Variants in ALS2CL observed in about 807,000 individuals in gnomAD.
ALS2CL encodes the protein ALS2 C-terminal-like protein.
A neutral mutation model predicts 127.9 loss-of-function variants in ALS2CL; 112 were observed. The observed-to-expected ratio is 0.88, with a 90% CI of 0.75 to 1.02. The LOEUF (loss-of-function observed/expected upper bound fraction) is 1.02, where lower values mean the gene tolerates loss of function less well. Ranked by LOEUF, ALS2CL falls within the 50% of genes least tolerant of loss-of-function variation. The pLI is 0.00. For missense variants in ALS2CL, 1,174 were observed against 1,236.7 expected (o/e 0.95, Z 0.76); for synonymous variants, 519 against 527.6 (o/e 0.98, Z 0.22).
chr3:46,680,682 G>T, intron 13 of ALS2CL, 141 bp from the exon 14 acceptor site: 1 of 693,648 alleles, frequency 1.4e-6, no homozygotes, highest in Non-Finnish European at 2.5e-6. Context: ...CACAGTGCCA[G>T]AGAGGTCAGG....
At chr3:46,687,757 C>T (rs1699897764) in intron 3 of ALS2CL, 73 bp from the exon 4 acceptor site, 1 of 1,474,316 alleles carries the variant, frequency 6.8e-7, no homozygotes, top group Non-Finnish European at 9.2e-7. Flanking sequence ...TCCCTGGGAT[C>T]CCCAGATCCC....
intron 10 of ALS2CL, among the ~76,000 whole-genome samples, chr3:46,682,620 G>A (rs1048336504): frequency 6.6e-6 from 1 of 152,128 alleles, no homozygotes; most frequent in Non-Finnish European, 1.5e-5. Flanking sequence ...GTCTATAAAG[G>A]CTTGCCTGTC....
At chr3:46,673,212 T>TCCCAAACCAACCAGC in intron 22 of ALS2CL, 127 bp downstream of exon 22, 1 of 785,428 alleles carries the variant, frequency 1.3e-6, no homozygotes, top group Non-Finnish European at 1.9e-6. Context: ...CAGTGTCTCC[T>TCCCAAACCAACCAGC]CCCAACCCAC....
At chr3:46,683,898 G>A in intron 8 of ALS2CL, 50 bp from the exon 9 acceptor site, 1 of 1,613,514 alleles carries the variant, frequency 6.2e-7, no homozygotes, top group Non-Finnish European at 8.5e-7. Flanking sequence ...CAGGAGGGTG[G>A]AGGGGCCCAA....
In ALS2CL at chr3:46,675,705, G is replaced by A; in HGVS notation, c.2187-19C>T. ...CAGACCCCTGTGAGTCAATGAGAGA[G>A]AAATGGTGTGGCTGCCCCTTGCCAC... On this transcript the variant is annotated intron_variant, in intron 19 of 25. Transcript: ENST00000318962. The A allele has an allele frequency of 1.9e-6, 3 of 1,613,114 alleles. No homozygotes were observed. The highest frequency in any genetic ancestry group is 2.5e-6 in the Non-Finnish European group (3 of 1,180,006).
chr3:46,685,760 C>T, intron 6 of ALS2CL, 116 bp from the exon 7 acceptor site: 1 of 1,406,674 alleles, frequency 7.1e-7, no homozygotes, highest in Non-Finnish European at 9.6e-7. Context: ...CTCCAGTAGA[C>T]CTGGAGCGGA....
intron 16 of ALS2CL, 53 bp from the exon 17 acceptor site, chr3:46,677,075 T>G: frequency 6.5e-7 from 1 of 1,546,298 alleles, no homozygotes; most frequent in Non-Finnish European, 8.7e-7. Context: ...GGAGCTGAGG[T>G]AGGCAGGACT....
rs1488587232 is a variant in ALS2CL at position 46,676,715 on chromosome 3, C to A, written c.1955G>T (p.Gly652Val). The A allele has an allele frequency of 1.2e-6, 2 of 1,613,714 alleles. No homozygotes were observed. The change falls in exon 18 of 26, where the codon GGC (glycine) becomes GTC (valine). Residue 652 changes from glycine (G) to valine (V), a missense_variant. Coordinates refer to ENST00000318962, the MANE Select transcript of ALS2CL (RefSeq NM_147129.5). ...CERTHPEDSV[G>V]SMEDILEELL... ...CTCCTCCAGGATGTCTTCCATACTG[C>A]CCACACTGTCCTCAGGGTGGGTCCT... is the stretch of plus-strand genomic sequence containing the variant.
At position 46,685,595 on chromosome 3, in the gene ALS2CL, A is replaced by T. The variant is rs749716506; in HGVS notation, c.716T>A (p.Val239Glu). 1 of 1,614,072 alleles carries T rather than the reference A, an allele frequency of 6.2e-7. No homozygotes were observed. The highest frequency in any genetic ancestry group is 8.5e-7 in the Non-Finnish European group (1 of 1,179,968). The change falls in exon 7 of 26, where the codon GTA becomes GAA. Residue 239 changes from valine to glutamate, a missense_variant. Val to Glu is a moderately radical substitution (Grantham distance 121, BLOSUM62 -2). Coordinates refer to ENST00000318962, the MANE Select transcript of ALS2CL (RefSeq NM_147129.5). ...CCGCAACGGTGCGACCGTCACGGGTACGTCCTGGCTGTCCTGAAGGAGTCT... is the reference window on the plus strand; with the variant it reads ...CCGCAACGGTGCGACCGTCACGGGTTCGTCCTGGCTGTCCTGAAGGAGTCT... ...AHRLLQDSQD[V>E]PVTVAPLRAE...
chr3:46,670,868 T>C lies in ALS2CL; in HGVS notation c.*116A>G. On this transcript the variant is annotated 3_prime_UTR_variant, in exon 26 of 26. Coordinates refer to ENST00000318962, the MANE Select transcript of ALS2CL (RefSeq NM_147129.5). This position sits in a 1 kb window ranked among gnomAD's most constrained non-coding sequence, Gnocchi z 5.5. ...CAGCATCTTCCTGTGCAAAACAAAA[T>C]GCTCATCTCCTCCAAGAGCTGCTTC... 1.8e-6 allele frequency: 2 copies of C among 1,081,110 alleles called. No homozygotes were observed. The highest frequency in any genetic ancestry group is 2.8e-6 in the Non-Finnish European group (2 of 718,404). The allele number at this position is 1,081,110 out of a possible 1,614,324, so 67.0% of individuals were successfully genotyped here. A position where few individuals can be genotyped will look rare whatever the true frequency, so the allele number is the denominator to read the frequency against.
In ALS2CL at chr3:46,683,283, A is replaced by T; in HGVS notation, c.956T>A (p.Leu319Gln). ...CACGGGGAAGTCCTTCTTCCCATGC[A>T]GGGCCTGGTGAACAGCCCAGGTCAC... ...WKVTWAVHQA[L>Q]HGKKDFPVLG... is the part of the protein sequence containing the mutation. Residue 319 changes from leucine (L) to glutamine (Q), a missense_variant, in exon 10 of 26, where the codon CTG (leucine) becomes CAG (glutamine). Leu to Gln is a moderately radical substitution (Grantham distance 113). Transcript: ENST00000318962. 6.2e-7 allele frequency: 1 copy of T among 1,603,904 alleles called. No homozygotes were observed. Among genetic ancestry groups the T allele is most frequent in the Non-Finnish European group, 8.5e-7 (1 of 1,175,150 alleles).
chr3:46,688,163 G>A lies in ALS2CL; in HGVS notation c.237C>T (p.Asp79=). 1 of 1,613,108 alleles carries A rather than the reference G, an allele frequency of 6.2e-7. No individual in the cohort carries two copies. Among genetic ancestry groups the A allele is most frequent in the Non-Finnish European group, 8.5e-7 (1 of 1,180,000 alleles). ...HSLQERLRYP[D]STGLESLLLL... ...GCAGCAGGGACTCCAGACCGGTGGAGTCCGGGTAACGCAGCCTCTCCTGCA... is the reference window on the plus strand; with the variant it reads ...GCAGCAGGGACTCCAGACCGGTGGAATCCGGGTAACGCAGCCTCTCCTGCA... Residue 79 remains aspartate, a synonymous_variant, in exon 3 of 26, where the codon GAC becomes GAT. Coordinates refer to ENST00000318962, the MANE Select transcript of ALS2CL (RefSeq NM_147129.5).
At chr3:46,692,102 G>A (rs79954429) in intron 1 of ALS2CL, among the ~76,000 whole-genome samples, 7,437 of 152,214 alleles carry the variant, frequency 0.049, 315 homozygotes, top group South Asian at 0.13. Context: ...AGAGGAACGG[G>A]CAGAAGTTAA....
rs954977565 is a variant in ALS2CL at position 46,670,528 on chromosome 3, G to C, written c.*456C>G. The C allele has an allele frequency of 6.1e-6, 1 of 162,780 alleles. No individual in the cohort carries two copies. Among genetic ancestry groups the C allele is most frequent in the Non-Finnish European group, 1.4e-5 (1 of 73,990 alleles). 10.1% of individuals were successfully genotyped at this position (162,780 alleles called of 1,614,324 possible). On this transcript the variant is annotated 3_prime_UTR_variant, in exon 26 of 26. Transcript: ENST00000318962. This position sits in a 1 kb window ranked among gnomAD's most constrained non-coding sequence, Gnocchi z 5.5. Reference sequence around the variant, plus strand: ...GACTGCATACCCAGTGAGGCTTCGAGCCTGCCAGAGGTCAATACAGCCCAG... The same window carrying C: ...GACTGCATACCCAGTGAGGCTTCGACCCTGCCAGAGGTCAATACAGCCCAG...
rs144505150 is a variant in ALS2CL, at chr3:46,672,028, G to A, written c.2540C>T (p.Thr847Met). 2.2e-5 allele frequency: 36 copies of A among 1,613,816 alleles called. No homozygotes were observed. The highest frequency in any genetic ancestry group is 1.3e-4 in the South Asian group (12 of 91,092). Reference sequence around the variant, plus strand: ...CTCCAGCTTCTCCCGTGGGTCCACCGTGGTCCTGCAGCAGGGTAGCTGGCT... The same window carrying A: ...CTCCAGCTTCTCCCGTGGGTCCACCATGGTCCTGCAGCAGGGTAGCTGGCT... ...ATECLQKIMT[T>M]VDPREKLEVL... Residue 847 changes from threonine to methionine, a missense_variant, in exon 24 of 26, where the codon ACG becomes ATG. Physicochemically the swap from Thr to Met is moderately conservative, Grantham distance 81 (BLOSUM62 -1). Coordinates refer to ENST00000318962, the MANE Select transcript of ALS2CL (RefSeq NM_147129.5).
At chr3:46,687,513 T>C (rs1412815375) in intron 4 of ALS2CL, 106 bp downstream of exon 4, 11 of 1,290,196 alleles carry the variant, frequency 8.5e-6, no homozygotes, top group East Asian at 4.9e-5. Context: ...CCAGGATGAG[T>C]TGTGGGCTGT....
In ALS2CL at chr3:46,677,275, C is replaced by T. The variant is rs79654318; in HGVS notation, c.1758-253G>A. On this transcript the variant is annotated intron_variant, in intron 16 of 25. Transcript: ENST00000318962. ...AGAAGCATATGGAATCCTGGAAAGACGGAGACAGAAAGGTGGGCAGATCTG... is the reference window on the plus strand; with the variant it reads ...AGAAGCATATGGAATCCTGGAAAGATGGAGACAGAAAGGTGGGCAGATCTG... 7,717 of 1,332,692 alleles carry T rather than the reference C, an allele frequency of 5.8e-3. 333 individuals are homozygous for T. In the African/African-American group the frequency reaches 0.099, roughly 17 times the overall value. 82.6% of individuals were successfully genotyped at this position (1,332,692 alleles called of 1,614,324 possible).
intron 18 of ALS2CL, 113 bp from the exon 19 acceptor site, chr3:46,676,515 C>A: frequency 1.3e-6 from 2 of 1,546,862 alleles, no homozygotes; most frequent in Non-Finnish European, 1.8e-6. Flanking sequence ...ACACTGAGGT[C>A]CTCTGAGGAC....
chr3:46,689,267 C>A (rs1019485065), intron 2 of ALS2CL, 71 bp downstream of exon 2: 65 of 1,505,258 alleles, frequency 4.3e-5, no homozygotes, highest in Non-Finnish European at 5.7e-5. Flanking sequence ...GCAAGTCCAA[C>A]AAGGTAGGTC....
Sources: gnomAD v4.1 joint callset for allele counts (sites outside exome capture counted in the v4.1 genomes callset) on GRCh38, gnomAD v4.1.1 for gene constraint, Gnocchi (gnomAD v3.1) non-coding constraint, MANE v1.5 for transcripts, NCBI Gene and HGNC (gene_info 2026-07-23, HGNC 2026-07-21) for gene names.